FGD4: variants seen among roughly 807,000 people sequenced by gnomAD.
FGD4 encodes FYVE, RhoGEF and PH domain-containing protein 4.
Under a neutral mutation model 102.0 loss-of-function variants are expected in FGD4, and 42 were observed. The ratio of observed to expected loss-of-function variants is 0.41; its 90% CI spans 0.32 to 0.53. The LOEUF (loss-of-function observed/expected upper bound fraction) is 0.53, where lower values mean the gene tolerates loss of function less well. FGD4 is among the 20% of genes least tolerant of loss of function. The pLI is 0.21. For missense variants in FGD4, 902 were observed against 1,078.2 expected, an observed-to-expected ratio of 0.84 and a Z score of 2.29; for synonymous variants, 380 against 375.7, an observed-to-expected ratio of 1.01 and a Z score of -0.13.
intron 1 of FGD4, among the ~76,000 whole-genome samples, chr12:32,555,184 G>A (rs998318071): frequency 2.0e-5 from 3 of 152,192 alleles, no homozygotes; most frequent in African/African-American, 7.2e-5. Context: ...TGAAAGTAGA[G>A]CCACCAGGAT....
intron 14 of FGD4, among the ~76,000 whole-genome samples, chr12:32,626,809 G>GGT (rs1950199550): frequency 6.6e-6 from 1 of 151,966 alleles, no homozygotes; most frequent in African/African-American, 2.4e-5. Context: ...GAGAAATGAG[G>GGT]GAGTTTAGGT....
At chr12:32,638,540 G>T (rs1291050561) in intron 15 of FGD4, 115 bp from the exon 16 acceptor site, 4 of 1,375,430 alleles carry the variant, frequency 2.9e-6, no homozygotes, top group Non-Finnish European at 4.0e-6. Flanking sequence ...AATTGCAAAT[G>T]AATCTTTTTT....
intron 1 of FGD4, among the ~76,000 whole-genome samples, chr12:32,530,246 G>A (rs1322345596): frequency 5.3e-5 from 8 of 152,128 alleles, no homozygotes; most frequent in Non-Finnish European, 1.0e-4. Flanking sequence ...ACTTTGGGAG[G>A]CTGAGGCAGG....
At chr12:32,455,891 A>G (rs1192151766) in intron 1 of FGD4, among the ~76,000 whole-genome samples, 2 of 152,100 alleles carry the variant, frequency 1.3e-5, no homozygotes, top group Non-Finnish European at 2.9e-5. Context: ...TTATCCTGTT[A>G]TTTTCTTTGT....
At chr12:32,452,228 G>T (rs1177065746) in intron 1 of FGD4, among the ~76,000 whole-genome samples, 4 of 152,144 alleles carry the variant, frequency 2.6e-5, no homozygotes, top group Non-Finnish European at 5.9e-5. Context: ...GGAAACAGTT[G>T]TATAGGAAAA....
Position 32,607,933 on chromosome 12 carries a change from C to G in FGD4, c.1405-24C>G, listed in dbSNP as rs779753304. 5.6e-6 allele frequency: 9 copies of G among 1,613,958 alleles called. No homozygotes were observed. In the East Asian group the frequency reaches 1.8e-4, roughly 32 times the overall value. ...TTGCTAACCTAATTTTTAAATGTTT[C>G]TTAGAAAACCTTTCTCATTACAGAA... On this transcript the variant is annotated intron_variant, in intron 7 of 16. Coordinates refer to ENST00000534526, the MANE Select transcript of FGD4 (RefSeq NM_001370298.3).
chr12:32,588,032 A>G (rs1947187084), intron 4 of FGD4, among the ~76,000 whole-genome samples: 1 of 152,210 alleles, frequency 6.6e-6, no homozygotes, highest in East Asian at 1.9e-4. Context: ...AGGATGTTTA[A>G]TAAATTGTCC....
chr12:32,560,194 A>G (rs77352590), intron 1 of FGD4, among the ~76,000 whole-genome samples: 2,477 of 152,290 alleles, frequency 0.016, 60 homozygotes, highest in African/African-American at 0.056. Flanking sequence ...ACTTTTTTCC[A>G]AGAAGATAGA....
At chr12:32,431,647 A>T (rs765635977) in intron 1 of FGD4, among the ~76,000 whole-genome samples, 10 of 151,804 alleles carry the variant, frequency 6.6e-5, no homozygotes, top group Non-Finnish European at 1.3e-4. Context: ...AGTGGCTCAC[A>T]CCTGTAATCC....
intron 1 of FGD4, among the ~76,000 whole-genome samples, chr12:32,428,215 C>A (rs1941917605): frequency 1.3e-5 from 2 of 152,132 alleles, no homozygotes; most frequent in South Asian, 4.1e-4. Flanking sequence ...TGTTGCTTTC[C>A]AGATTTAGTG....
At chr12:32,634,241 CTT>C (rs1198992466) in intron 15 of FGD4, among the ~76,000 whole-genome samples, 3 of 152,102 alleles carry the variant, frequency 2.0e-5, no homozygotes, top group South Asian at 4.2e-4. Flanking sequence ...ATTGGCATCT[CTT>C]CTTATACCCA....
chr12:32,435,087 G>T (rs1565738495), intron 1 of FGD4, among the ~76,000 whole-genome samples: 1 of 152,216 alleles, frequency 6.6e-6, no homozygotes, highest in East Asian at 1.9e-4. Context: ...GGGATTACAG[G>T]CATGCGCCAC....
chr12:32,600,583 T>TA, intron 5 of FGD4: 6 of 363,750 alleles, frequency 1.6e-5, no homozygotes, highest in Non-Finnish European at 2.3e-5. Context: ...TTTCTTTCTT[T>TA]CTTTCTTTCT....
At chr12:32,441,187 C>T (rs1487388713) in intron 1 of FGD4, among the ~76,000 whole-genome samples, 4 of 152,154 alleles carry the variant, frequency 2.6e-5, no homozygotes, top group Non-Finnish European at 4.4e-5. Flanking sequence ...GTCCCCTTTA[C>T]TTTTCCCTCT....
intron 1 of FGD4, among the ~76,000 whole-genome samples, chr12:32,555,806 A>G (rs10844240): frequency 0.42 from 63,936 of 151,136 alleles, 15,433 homozygotes; most frequent in African/African-American, 0.68. Flanking sequence ...TCCTGACCTC[A>G]TGATTCACCT....
At chr12:32,621,717 G>A (rs1949853155) in intron 11 of FGD4, among the ~76,000 whole-genome samples, 1 of 152,140 alleles carries the variant, frequency 6.6e-6, no homozygotes, top group African/African-American at 2.4e-5. Context: ...TAGGGAGCAG[G>A]TAGCATTTGA....
intron 1 of FGD4, among the ~76,000 whole-genome samples, chr12:32,524,525 A>T (rs1940924965): frequency 4.5e-5 from 1 of 22,082 alleles, no homozygotes; most frequent in East Asian, 1.6e-3. Flanking sequence ...TAATTCAAAT[A>T]AAAAAAAAAA....
chr12:32,480,635 G>A (rs1027071901), intron 1 of FGD4, among the ~76,000 whole-genome samples: 2 of 151,030 alleles, frequency 1.3e-5, no homozygotes, highest in African/African-American at 2.4e-5. Flanking sequence ...CGAGTAGCTG[G>A]GATTACAGGC....
intron 8 of FGD4, among the ~76,000 whole-genome samples, chr12:32,609,760 GACAAA>G (rs1349524087): frequency 3.3e-5 from 5 of 152,134 alleles, no homozygotes; most frequent in Non-Finnish European, 7.4e-5. Context: ...GTACACTGAA[GACAAA>G]AAATGTAGTT....
Sources: allele counts gnomAD v4.1 joint callset (sites outside exome capture counted in the v4.1 genomes callset), GRCh38; gene constraint gnomAD v4.1.1; transcripts MANE v1.5; gene names NCBI Gene and HGNC (gene_info 2026-07-23, HGNC 2026-07-21).